Variants in NBAS observed in about 807,000 individuals in gnomAD.
NBAS encodes NBAS subunit of NRZ tethering complex.
NBAS carries 219 observed loss-of-function variants against 302.5 expected under a neutral mutation model. The observed-to-expected ratio is 0.72, with a 90% CI of 0.65 to 0.81. NBAS has a LOEUF of 0.81. Among genes scored for constraint, NBAS ranks in the 30% least tolerant of loss-of-function variants. NBAS has a pLI of 0.00. For synonymous variants in NBAS, 1,118 were observed against 1,021.6 expected, an observed-to-expected ratio of 1.09 and a Z score of -1.80; for missense variants, 2,932 against 2,841.6, an observed-to-expected ratio of 1.03 and a Z score of -0.72.
At chr2:14,781,744 G>GATAA in the NBAS span, among the ~76,000 whole-genome samples, 1 of 70,130 alleles carries the variant, frequency 1.4e-5, no homozygotes, top group Non-Finnish European at 2.6e-5. Context: ...GAGCTATTGT[G>GATAA]ACAAAAAAAA....
the NBAS span, among the ~76,000 whole-genome samples, chr2:15,123,568 A>G: frequency 6.6e-6 from 1 of 152,136 alleles, no homozygotes; most frequent in Non-Finnish European, 1.5e-5. Context: ...TGAATGGCTT[A>G]GCACCATCTC....
chr2:15,291,712 T>G (rs1399600496), intron 41 of NBAS, among the ~76,000 whole-genome samples: 9 of 152,262 alleles, frequency 5.9e-5, no homozygotes, highest in South Asian at 2.1e-4. Context: ...ACAGATAAAG[T>G]CACCCTGAAC....
At chr2:14,996,950 A>G in the NBAS span, among the ~76,000 whole-genome samples, 4 of 152,238 alleles carry the variant, frequency 2.6e-5, no homozygotes, top group African/African-American at 7.2e-5. Context: ...AGGAAAATTA[A>G]CAATACAGAT....
intron 48 of NBAS, among the ~76,000 whole-genome samples, chr2:15,198,520 T>TA (rs1235404451): frequency 6.6e-6 from 1 of 152,120 alleles, no homozygotes; most frequent in Non-Finnish European, 1.5e-5. Flanking sequence ...TGCTGAGTAG[T>TA]AGTTTGTGGC....
intron 30 of NBAS, among the ~76,000 whole-genome samples, chr2:15,375,164 C>G (rs1674676211): frequency 1.3e-5 from 2 of 152,062 alleles, no homozygotes; most frequent in Admixed American, 6.5e-5. Context: ...TCAAAAGAAA[C>G]AAGAAATGAC....
At chr2:15,376,451 T>C (rs1012768798) in intron 30 of NBAS, among the ~76,000 whole-genome samples, 2 of 152,338 alleles carry the variant, frequency 1.3e-5, no homozygotes, top group African/African-American at 4.8e-5. Context: ...TTTGGTATTT[T>C]CAAAGACTAT....
At chr2:15,181,472 C>T (rs897996556) in intron 50 of NBAS, among the ~76,000 whole-genome samples, 2 of 152,150 alleles carry the variant, frequency 1.3e-5, no homozygotes, top group Non-Finnish European at 2.9e-5. Context: ...TTGCTACTTT[C>T]CCCCTGTGTT....
the NBAS span, among the ~76,000 whole-genome samples, chr2:14,896,765 G>A: frequency 6.6e-6 from 1 of 152,182 alleles, no homozygotes; most frequent in African/African-American, 2.4e-5. Context: ...TTGCAAAGAA[G>A]AAGCTGGTAT....
the NBAS span, among the ~76,000 whole-genome samples, chr2:15,114,515 T>C: frequency 6.6e-6 from 1 of 152,196 alleles, no homozygotes; most frequent in South Asian, 2.1e-4. Flanking sequence ...GGCTTCAACA[T>C]ACGAATTTAT....
At chr2:15,515,760 A>G (rs1484061363) in intron 9 of NBAS, among the ~76,000 whole-genome samples, 3 of 152,162 alleles carry the variant, frequency 2.0e-5, no homozygotes, top group Non-Finnish European at 2.9e-5. Context: ...ATAAAGTTCC[A>G]CTGGTAAAAC....
In NBAS at chr2:15,333,243, A is replaced by C. The variant is rs141772095; in HGVS notation, c.4180-2478T>G. Among the ~76,000 whole-genome samples the C allele has an allele frequency of 2.7e-3, 411 of 152,280 alleles. 1 individual carries two copies. Among genetic ancestry groups the C allele is most frequent in the African/African-American group, 9.2e-3 (382 of 41,546 alleles). On this transcript the variant is annotated intron_variant, in intron 35 of 51. Transcript: ENST00000281513. ...GATTTCAGGAAGAAAATACAACTTAAGAGGATGCAACTTCTGAAACACGGC... is the reference window on the plus strand; with the variant it reads ...GATTTCAGGAAGAAAATACAACTTACGAGGATGCAACTTCTGAAACACGGC...
At chr2:15,358,430 G>A (rs542408691) in intron 32 of NBAS, among the ~76,000 whole-genome samples, 31 of 152,020 alleles carry the variant, frequency 2.0e-4, no homozygotes, top group East Asian at 1.9e-3. Flanking sequence ...GTGCATGTGC[G>A]CGTGTGCCCG....
At chr2:14,825,395 T>G in the NBAS span, among the ~76,000 whole-genome samples, 6 of 152,242 alleles carry the variant, frequency 3.9e-5, no homozygotes, top group Non-Finnish European at 5.9e-5. Flanking sequence ...GGTCACTAGT[T>G]CACTGATGGT....
At chr2:15,318,264 A>G (rs961854899) in intron 38 of NBAS, among the ~76,000 whole-genome samples, 2 of 152,256 alleles carry the variant, frequency 1.3e-5, no homozygotes, top group Non-Finnish European at 2.9e-5. Flanking sequence ...CATGGAAAGG[A>G]ACAACTGGTA....
the NBAS span, among the ~76,000 whole-genome samples, chr2:14,945,810 G>A: frequency 6.6e-6 from 1 of 152,186 alleles, no homozygotes; most frequent in Non-Finnish European, 1.5e-5. Context: ...GCCAGACATA[G>A]TGGCTCACAC....
chr2:15,251,093 T>C (rs2147986218), intron 44 of NBAS, among the ~76,000 whole-genome samples: 1 of 151,920 alleles, frequency 6.6e-6, no homozygotes, highest in South Asian at 2.1e-4. Context: ...ATAAAGAAAA[T>C]GTGGCACATA....
At chr2:15,045,294 G>T in the NBAS span, among the ~76,000 whole-genome samples, 1 of 152,190 alleles carries the variant, frequency 6.6e-6, no homozygotes, top group Non-Finnish European at 1.5e-5. Flanking sequence ...AGGAGCTGAC[G>T]CTGAGATCTG....
At chr2:15,318,806 G>A (rs6732362) in intron 38 of NBAS, among the ~76,000 whole-genome samples, 1 of 151,844 alleles carries the variant, frequency 6.6e-6, no homozygotes, top group Non-Finnish European at 1.5e-5. Flanking sequence ...AATGGGAGAC[G>A]TTAACACCCC....
Position 15,393,049 on chromosome 2 carries a change from A to C in NBAS, c.3257+1178T>G, listed in dbSNP as rs1370251570. Among the ~76,000 whole-genome samples, 4 of 152,152 alleles carry C rather than the reference A, an allele frequency of 2.6e-5. No homozygotes were observed. The East Asian group carries it at 7.7e-4, about 29-fold the overall frequency. On this transcript the variant is annotated intron_variant, in intron 28 of 51. Transcript: ENST00000281513. The stretch of plus-strand genomic sequence containing the variant: ...TTAACAAATGGTGAGGAATAATTAG[A>C]TACAAAAAGTTTTTTGACCCATACT...
Sources: gnomAD v4.1 joint callset for allele counts (sites outside exome capture counted in the v4.1 genomes callset) on GRCh38, gnomAD v4.1.1 for gene constraint, MANE v1.5 for transcripts, NCBI Gene and HGNC (gene_info 2026-07-23, HGNC 2026-07-21) for gene names.